Variants in SUCLG2 observed in about 807,000 individuals in gnomAD.
The protein encoded by SUCLG2 is succinate-CoA ligase GDP-forming subunit beta.
A neutral mutation model predicts 47.9 loss-of-function variants in SUCLG2; 42 were observed. That is an observed-to-expected ratio of 0.88 (90% confidence interval 0.69 to 1.14). The LOEUF is 1.14. SUCLG2 is among the 50% of genes most tolerant of loss of function. The pLI is 0.00. For synonymous variants in SUCLG2, 195 were observed against 197.3 expected, an observed-to-expected ratio of 0.99 and a Z score of 0.10; for missense variants, 571 against 525.9, an observed-to-expected ratio of 1.09 and a Z score of -0.84.
chr3:67,622,278 A>G (rs1324710496), intron 1 of SUCLG2, among the ~76,000 whole-genome samples: 7 of 152,382 alleles, frequency 4.6e-5, no homozygotes, highest in Middle Eastern at 3.4e-3. Flanking sequence ...AGAGGAACAC[A>G]TAAGAGTATG....
At chr3:67,391,668 A>G (rs1388835750) in intron 10 of SUCLG2, among the ~76,000 whole-genome samples, 2 of 152,094 alleles carry the variant, frequency 1.3e-5, no homozygotes, top group Non-Finnish European at 2.9e-5. Context: ...TTAGAGCCCA[A>G]GATTTGCTGC....
chr3:67,585,747 G>C (rs1286133292), intron 2 of SUCLG2, among the ~76,000 whole-genome samples: 3 of 151,912 alleles, frequency 2.0e-5, no homozygotes, highest in African/African-American at 2.4e-5. Flanking sequence ...CAGATCACTT[G>C]AGGTCAGAAG....
intron 9 of SUCLG2, among the ~76,000 whole-genome samples, chr3:67,453,307 G>T (rs555542195): frequency 5.6e-4 from 85 of 151,972 alleles, no homozygotes; most frequent in African/African-American, 2.0e-3. Context: ...ATAAACAACA[G>T]AAATTTATTT....
intron 9 of SUCLG2, chr3:67,409,085 AATGGGTTTTAGTTCTTTAC>A (rs60733262): frequency 0.29 from 435,239 of 1,504,882 alleles, 64,186 homozygotes; most frequent in Middle Eastern, 0.32. Flanking sequence ...TTTGTGGACC[AATGGGTTTTAGTTCTTTAC>A]AATACAGATA....
intron 1 of SUCLG2, among the ~76,000 whole-genome samples, chr3:67,612,384 T>C (rs544056796): frequency 6.6e-6 from 1 of 150,664 alleles, no homozygotes; most frequent in African/African-American, 2.5e-5. Context: ...ATGTGATACA[T>C]CTACAGAAGT....
At chr3:67,486,133 C>T (rs1355744708) in intron 9 of SUCLG2, among the ~76,000 whole-genome samples, 1 of 152,066 alleles carries the variant, frequency 6.6e-6, no homozygotes, top group African/African-American at 2.4e-5. Context: ...GGTGCAGTGT[C>T]ATGCACCTGT....
At chr3:67,502,780 C>A (rs1705533176) in intron 7 of SUCLG2, among the ~76,000 whole-genome samples, 1 of 152,078 alleles carries the variant, frequency 6.6e-6, no homozygotes, top group South Asian at 2.1e-4. Flanking sequence ...TACAGGTTAC[C>A]CATGGTTTTC....
chr3:67,525,314 G>A (rs1706226928), intron 4 of SUCLG2, among the ~76,000 whole-genome samples: 1 of 152,124 alleles, frequency 6.6e-6, no homozygotes. Flanking sequence ...AACTAGAACA[G>A]GTAAAACTGT....
intron 2 of SUCLG2, among the ~76,000 whole-genome samples, chr3:67,546,977 T>A (rs1191719922): frequency 6.6e-6 from 1 of 152,176 alleles, no homozygotes; most frequent in African/African-American, 2.4e-5. Context: ...ATTCCTCCTA[T>A]CCACACACAG....
At chr3:67,540,332 C>G (rs755756932) in intron 2 of SUCLG2, among the ~76,000 whole-genome samples, 4 of 151,986 alleles carry the variant, frequency 2.6e-5, no homozygotes, top group Non-Finnish European at 5.9e-5. Flanking sequence ...GCACATCAGT[C>G]TGAAGTCCAC....
chr3:67,555,061 G>C (rs1433742222), intron 2 of SUCLG2, among the ~76,000 whole-genome samples: 1 of 152,024 alleles, frequency 6.6e-6, no homozygotes, highest in Non-Finnish European at 1.5e-5. Flanking sequence ...CGGGGGTTGT[G>C]GGCAGAAGAG....
chr3:67,387,904 T>C (rs1702294844), intron 10 of SUCLG2, among the ~76,000 whole-genome samples: 1 of 151,914 alleles, frequency 6.6e-6, no homozygotes, highest in African/African-American at 2.4e-5. Context: ...CAATGAACTT[T>C]AGGCATTAAG....
At chr3:67,412,744 T>A (rs1702957756) in intron 9 of SUCLG2, among the ~76,000 whole-genome samples, 1 of 152,172 alleles carries the variant, frequency 6.6e-6, no homozygotes, top group African/African-American at 2.4e-5. Flanking sequence ...ACAGAAGCGA[T>A]CCCACGCTGC....
chr3:67,650,110 T>C (rs568764368), intron 1 of SUCLG2, among the ~76,000 whole-genome samples: 14 of 152,326 alleles, frequency 9.2e-5, no homozygotes, highest in Admixed American at 3.9e-4. Flanking sequence ...TTCCCTTTTC[T>C]AAAAGCAGAA....
chr3:67,397,648 T>G (rs1450313053), intron 10 of SUCLG2, among the ~76,000 whole-genome samples: 1 of 152,150 alleles, frequency 6.6e-6, no homozygotes, highest in Non-Finnish European at 1.5e-5. Flanking sequence ...ATGACTTTCT[T>G]CACAGAATTG....
chr3:67,501,580 T>C (rs1705496104), intron 7 of SUCLG2, among the ~76,000 whole-genome samples: 1 of 152,132 alleles, frequency 6.6e-6, no homozygotes, highest in Non-Finnish European at 1.5e-5. Context: ...GAGTCTTTTG[T>C]TCTATTAAGG....
At chr3:67,537,384 G>A (rs1227905353) in intron 2 of SUCLG2, among the ~76,000 whole-genome samples, 1 of 152,094 alleles carries the variant, frequency 6.6e-6, no homozygotes, top group Non-Finnish European at 1.5e-5. Flanking sequence ...CCATGTCCCT[G>A]AAAAGGACAT....
intron 1 of SUCLG2, among the ~76,000 whole-genome samples, chr3:67,627,975 G>T (rs1293384447): frequency 2.6e-5 from 4 of 152,246 alleles, no homozygotes; most frequent in African/African-American, 9.6e-5. Flanking sequence ...TATAATCTCT[G>T]TTTTAGTTAG....
At chr3:67,541,326 T>C (rs1706702646) in intron 2 of SUCLG2, among the ~76,000 whole-genome samples, 2 of 152,154 alleles carry the variant, frequency 1.3e-5, no homozygotes, top group South Asian at 4.1e-4. Context: ...GTTAGATGAA[T>C]TGCTAACTAG....
Sources: gnomAD v4.1 joint callset for allele counts (sites outside exome capture counted in the v4.1 genomes callset) on GRCh38, gnomAD v4.1.1 for gene constraint, MANE v1.5 for transcripts, NCBI Gene and HGNC (gene_info 2026-07-23, HGNC 2026-07-21) for gene names.